The following RFX3 variants were observed in gnomAD, a reference collection of about 807,000 sequenced individuals.
RFX3 encodes transcription factor RFX3.
Under a neutral mutation model 98.6 loss-of-function variants are expected in RFX3, and 14 were observed. The ratio of observed to expected loss-of-function variants is 0.14; its 90% CI spans 0.09 to 0.22. The LOEUF is 0.22. Ranked by LOEUF, RFX3 falls within the 10% of genes least tolerant of loss-of-function variation. The pLI is 1.00. For synonymous variants in RFX3, 383 were observed against 328.4 expected (o/e 1.17, Z -1.80); for missense variants, 639 against 926.9 (o/e 0.69, Z 4.03).
Position 3,222,456 on chromosome 9 carries a change from A to G in RFX3, c.*2586T>C, listed in dbSNP as rs985499952. On this transcript the variant is annotated 3_prime_UTR_variant, in exon 17 of 17. Coordinates refer to ENST00000617270, the MANE Select transcript of RFX3 (RefSeq NM_001282116.2). ...ATCTAAATTTGCCCATTATTACCAG[A>G]TTCCTGTAATGATACAAATATATCC... The G allele has an allele frequency of 4.6e-5, 7 of 152,202 alleles. No homozygotes were observed. The highest frequency in any genetic ancestry group is 1.7e-4 in the African/African-American group (7 of 41,454). The allele number at this position is 152,202 out of a possible 1,614,324, so 9.4% of individuals were successfully genotyped here. A position where few individuals can be genotyped will look rare whatever the true frequency, so the allele number is the denominator to read the frequency against.
chr9:3,513,367 T>C (rs1157962939), intron 1 of RFX3, among the ~76,000 whole-genome samples: 1 of 152,166 alleles, frequency 6.6e-6, no homozygotes, highest in African/African-American at 2.4e-5. Flanking sequence ...TACATTGTAC[T>C]AGTCACTGTT....
At chr9:3,286,758 C>T (rs531270396) in intron 7 of RFX3, among the ~76,000 whole-genome samples, 1 of 152,066 alleles carries the variant, frequency 6.6e-6, no homozygotes, top group East Asian at 1.9e-4. Context: ...TCATCTCCCA[C>T]TAAACTACTC....
At chr9:3,410,395 T>C (rs1274016497) in intron 1 of RFX3, among the ~76,000 whole-genome samples, 1 of 152,036 alleles carries the variant, frequency 6.6e-6, no homozygotes, top group Non-Finnish European at 1.5e-5. Context: ...TATTACATCA[T>C]CTCTGGATGC....
At chr9:3,272,131 T>C (rs116497652) in intron 9 of RFX3, among the ~76,000 whole-genome samples, 6,081 of 152,194 alleles carry the variant, frequency 0.04, 417 homozygotes, top group African/African-American at 0.14. Context: ...AGCCTTCAGG[T>C]AAAAGCAGGC....
intron 1 of RFX3, among the ~76,000 whole-genome samples, chr9:3,507,906 A>T (rs1817262043): frequency 6.6e-6 from 1 of 151,810 alleles, no homozygotes; most frequent in South Asian, 2.1e-4. Flanking sequence ...AAAAAGGGGA[A>T]GTACAGAGAA....
intron 3 of RFX3, among the ~76,000 whole-genome samples, chr9:3,333,970 T>G (rs1243867217): frequency 6.6e-6 from 1 of 152,196 alleles, no homozygotes; most frequent in Non-Finnish European, 1.5e-5. Flanking sequence ...TATTAATAAT[T>G]CCTATTTCGC....
chr9:3,319,013 G>T (rs1295241401), intron 4 of RFX3, among the ~76,000 whole-genome samples: 1 of 152,182 alleles, frequency 6.6e-6, no homozygotes, highest in African/African-American at 2.4e-5. Context: ...AAAAGCACTT[G>T]GGAGTTGGAA....
At chr9:3,300,478 T>C (rs148625497) in intron 5 of RFX3, among the ~76,000 whole-genome samples, 95 of 151,900 alleles carry the variant, frequency 6.3e-4, no homozygotes, top group African/African-American at 2.1e-3. Context: ...ATTAAAATTT[T>C]TCAAAGATCA....
chr9:3,226,255 T>C (rs1158438870), intron 16 of RFX3, among the ~76,000 whole-genome samples: 1 of 152,210 alleles, frequency 6.6e-6, no homozygotes, highest in Non-Finnish European at 1.5e-5. Flanking sequence ...TTAGTCAGAT[T>C]AAGCTGGATT....
intron 1 of RFX3, among the ~76,000 whole-genome samples, chr9:3,504,836 TAA>T (rs1358333488): frequency 5.9e-5 from 2 of 34,166 alleles, no homozygotes; most frequent in South Asian, 5.6e-4. Context: ...AAAATATGTA[TAA>T]AATATATATA....
intron 2 of RFX3, among the ~76,000 whole-genome samples, chr9:3,377,731 A>C (rs1207458181): frequency 6.6e-6 from 1 of 152,182 alleles, no homozygotes; most frequent in Non-Finnish European, 1.5e-5. Context: ...TACTAATAAC[A>C]AAGAAGAGGG....
intron 2 of RFX3, among the ~76,000 whole-genome samples, chr9:3,350,687 G>C (rs1340420564): frequency 6.6e-6 from 1 of 152,060 alleles, no homozygotes; most frequent in African/African-American, 2.4e-5. Flanking sequence ...GTGGACGGAA[G>C]AATAAACTGC....
chr9:3,442,061 G>T (rs139213079), intron 1 of RFX3, among the ~76,000 whole-genome samples: 7 of 152,018 alleles, frequency 4.6e-5, no homozygotes, highest in African/African-American at 7.2e-5. Flanking sequence ...TTAGCCAGGC[G>T]TGGTGGCACG....
rs370330424 is a variant in RFX3 at position 3,509,324 on chromosome 9, T to A, written c.-9+16423A>T. The stretch of plus-strand genomic sequence containing the variant: ...AAGAGTGACCTACAAGAACAAAGAT[T>A]TCCATTTTTAAAATTCATAATTAAA... On this transcript the variant is annotated intron_variant, in intron 1 of 16. Coordinates refer to ENST00000617270, the MANE Select transcript of RFX3 (RefSeq NM_001282116.2). 9.2e-5 allele frequency among the ~76,000 whole-genome samples: 14 copies of A among 152,070 alleles called. No individual in the cohort carries two copies. The East Asian group carries it at 1.9e-3, about 21-fold the overall frequency.
At chr9:3,465,216 C>A (rs1674004271) in intron 1 of RFX3, among the ~76,000 whole-genome samples, 1 of 152,156 alleles carries the variant, frequency 6.6e-6, no homozygotes, top group Admixed American at 6.5e-5. Flanking sequence ...TAGTATCTCA[C>A]TTCTAACAAC....
At chr9:3,394,230 G>A (rs562127119) in intron 2 of RFX3, among the ~76,000 whole-genome samples, 8 of 152,086 alleles carry the variant, frequency 5.3e-5, no homozygotes, top group South Asian at 2.1e-4. Context: ...TTGGGAGGTC[G>A]AGGTGGGCGG....
chr9:3,459,107 G>A (rs1487207064), intron 1 of RFX3, among the ~76,000 whole-genome samples: 1 of 152,044 alleles, frequency 6.6e-6, no homozygotes, highest in Non-Finnish European at 1.5e-5. Flanking sequence ...AAGATCTCTG[G>A]AATAAACTCA....
chr9:3,266,455 C>A, intron 11 of RFX3, 150 bp from the exon 12 acceptor site: 1 of 449,780 alleles, frequency 2.2e-6, no homozygotes. Flanking sequence ...TAACATTATT[C>A]CTAACTTTTT....
At chr9:3,342,760 T>G (rs769578443) in intron 3 of RFX3, among the ~76,000 whole-genome samples, 1 of 152,294 alleles carries the variant, frequency 6.6e-6, no homozygotes, top group East Asian at 1.9e-4. Context: ...GGTTTAATCA[T>G]AGTATTCTAA....
Sources: gnomAD v4.1 joint callset for allele counts (sites outside exome capture counted in the v4.1 genomes callset) on GRCh38, gnomAD v4.1.1 for gene constraint, MANE v1.5 for transcripts, NCBI Gene and HGNC (gene_info 2026-07-23, HGNC 2026-07-21) for gene names.